CEP350: variants seen among roughly 807,000 people sequenced by gnomAD.
CEP350 encodes the protein centrosome-associated protein 350.
A neutral mutation model predicts 331.8 loss-of-function variants in CEP350; 126 were observed. The ratio of observed to expected loss-of-function variants is 0.38; its 90% confidence interval spans 0.33 to 0.44. The LOEUF is 0.44. Among genes scored for constraint, CEP350 ranks in the 20% least tolerant of loss-of-function variants. CEP350 has a pLI of 1.00. For synonymous variants in CEP350, 1,200 were observed against 1,259.5 expected, an observed-to-expected ratio of 0.95 and a Z score of 1.00; for missense variants, 3,406 against 3,634.6, an observed-to-expected ratio of 0.94 and a Z score of 1.62.
intron 27 of CEP350, chr1:180,073,770 C>T (rs1360269726): frequency 2.3e-6 from 3 of 1,300,746 alleles, no homozygotes; most frequent in East Asian, 5.6e-5. Flanking sequence ...TTAAAATCTT[C>T]CTCCTTATTT....
intron 11 of CEP350, 27 bp from the exon 12 acceptor site, chr1:180,019,922 C>A: frequency 1.3e-6 from 2 of 1,524,288 alleles, no homozygotes; most frequent in Non-Finnish European, 1.8e-6. Flanking sequence ...GTTTAGTTAA[C>A]TAACATATTG....
chr1:179,997,278 T>C (rs1653518076), intron 6 of CEP350, 103 bp downstream of exon 6: 1 of 1,353,944 alleles, frequency 7.4e-7, no homozygotes, highest in Non-Finnish European at 1.0e-6. Context: ...CAGGATGTTA[T>C]TCTTGACTGC....
chr1:180,099,780 A>ATTTTTTTTTTTTTTT (rs200255438), intron 37 of CEP350, among the ~76,000 whole-genome samples: 1 of 119,526 alleles, frequency 8.4e-6, no homozygotes, highest in Non-Finnish European at 1.7e-5. Flanking sequence ...GCCTTATTTG[A>ATTTTTTTTTTTTTTT]TTTTTTTTTT....
At chr1:180,025,137 G>A (rs1016030680) in intron 14 of CEP350, among the ~76,000 whole-genome samples, 2 of 151,990 alleles carry the variant, frequency 1.3e-5, no homozygotes, top group Non-Finnish European at 2.9e-5. Context: ...TGTTAGCCAG[G>A]ATGGTCTCGA....
intron 14 of CEP350, 85 bp downstream of exon 14, chr1:180,024,667 A>T: frequency 7.2e-7 from 1 of 1,394,258 alleles, no homozygotes; most frequent in Non-Finnish European, 9.4e-7. Context: ...TTGCATAAGA[A>T]GTTAGAAGAA....
At chr1:180,096,500 C>T (rs956587333) in intron 36 of CEP350, among the ~76,000 whole-genome samples, 1 of 151,878 alleles carries the variant, frequency 6.6e-6, no homozygotes, top group South Asian at 2.1e-4. Flanking sequence ...TAAATTATTG[C>T]AACTAATAGG....
intron 1 of CEP350, among the ~76,000 whole-genome samples, chr1:179,964,895 A>G (rs924188564): frequency 3.3e-5 from 5 of 151,042 alleles, no homozygotes; most frequent in South Asian, 2.1e-4. Flanking sequence ...TTTGGTCTCA[A>G]TTAATTTAGT....
rs1655537738 is a variant in CEP350 at position 180,024,466 on chromosome 1, A to G, written c.3434A>G (p.Tyr1145Cys). The G allele has an allele frequency of 6.2e-6, 10 of 1,613,180 alleles. No individual in the cohort carries two copies. The highest frequency in any genetic ancestry group is 5.3e-5 in the African/African-American group (4 of 74,904). ...GACCATTCTAACAGAAAGTCTGCCT[A>G]TGATCCTTCCTCTGTGGATGTTACC... is the stretch of plus-strand genomic sequence containing the variant. ...QEDHSNRKSA[Y>C]DPSSVDVTSQ... The change falls in exon 14 of 38, where the codon TAT becomes TGT. Residue 1145 changes from tyrosine to cysteine, a missense_variant. Coordinates refer to ENST00000367607, the MANE Select transcript of CEP350 (RefSeq NM_014810.5).
At position 180,048,666 on chromosome 1, in the gene CEP350, C is replaced by G; in HGVS notation, c.4753C>G (p.Leu1585Val). 3 of 1,612,554 alleles carry G rather than the reference C, an allele frequency of 1.9e-6. No individual in the cohort carries two copies. The highest frequency in any genetic ancestry group is 2.5e-6 in the Non-Finnish European group (3 of 1,179,104). ...EQVQTAADDSLRSDSVPSLPD... is the reference protein window; with the variant it reads ...EQVQTAADDSVRSDSVPSLPD... The stretch of plus-strand genomic sequence containing the variant: ...GGTTCAGACTGCTGCAGATGATTCT[C>G]TACGAAGTGATAGTGTTCCATCTCT... Residue 1585 changes from leucine to valine, a missense_variant, in exon 22 of 38, where the codon CTA becomes GTA. By Grantham distance (32) the Leu-to-Val change is conservative. Transcript: ENST00000367607.
chr1:180,016,485 A>G (rs754537382), intron 11 of CEP350, among the ~76,000 whole-genome samples: 31 of 152,144 alleles, frequency 2.0e-4, no homozygotes, highest in Non-Finnish European at 4.1e-4. Flanking sequence ...GCTGTAATAT[A>G]TTGTTTGCAA....
At chr1:180,025,171 G>A (rs1030629266) in intron 14 of CEP350, among the ~76,000 whole-genome samples, 5 of 152,064 alleles carry the variant, frequency 3.3e-5, no homozygotes, top group South Asian at 2.1e-4. Flanking sequence ...TGATCCACCC[G>A]CCTTGGCCTC....
rs1385981536 is a variant in CEP350, at chr1:179,991,707, G to GTGTGTGTGTATA, written c.236-354_236-353insGTGTGTGTATAT. Among the ~76,000 whole-genome samples the GTGTGTGTGTATA allele has an allele frequency of 6.9e-3, 667 of 96,882 alleles. 6 individuals are homozygous for GTGTGTGTGTATA. The highest frequency in any genetic ancestry group is 0.024 in the East Asian group (72 of 3,030). 63.6% of individuals were successfully genotyped at this position (96,882 alleles called of 152,430 possible). ...TGTGTGTGTGTGTGTGTGTGTGTGT[G>GTGTGTGTGTATA]TATATATATATATATATACATTTTT... On this transcript the variant is annotated intron_variant, in intron 4 of 37. Transcript: ENST00000367607.
chr1:179,955,038 G>C lies in CEP350; in HGVS notation c.-118G>C. The C allele has an allele frequency of 7.4e-7, 1 of 1,343,892 alleles. No individual in the cohort carries two copies. The highest frequency in any genetic ancestry group is 9.6e-7 in the Non-Finnish European group (1 of 1,046,658). 83.2% of individuals were successfully genotyped at this position (1,343,892 alleles called of 1,614,324 possible). A position where few individuals can be genotyped will look rare whatever the true frequency, so the allele number is the denominator to read the frequency against. ...CCCGGTGCGTCCCCGGAGCGGGGAGGCCAGGCCGGGCAGCCCTGGGGCCGG... is the reference window on the plus strand; with the variant it reads ...CCCGGTGCGTCCCCGGAGCGGGGAGCCCAGGCCGGGCAGCCCTGGGGCCGG... On this transcript the variant is annotated 5_prime_UTR_variant, in exon 1 of 38. Coordinates refer to ENST00000367607, the MANE Select transcript of CEP350 (RefSeq NM_014810.5).
chr1:180,072,569 T>C lies in CEP350; in HGVS notation c.5568-2453T>C, dbSNP rs540498641. Among the ~76,000 whole-genome samples, 8 of 152,306 alleles carry C rather than the reference T, an allele frequency of 5.3e-5. No individual in the cohort carries two copies. The East Asian group carries it at 1.5e-3, about 29-fold the overall frequency. On this transcript the variant is annotated intron_variant, in intron 27 of 37. Coordinates refer to ENST00000367607, the MANE Select transcript of CEP350 (RefSeq NM_014810.5). ...GCAAGGAAGATTGTAATGTCTTAAC[T>C]TGAAATTTAGCAAAACTGTTTTTCT...
At chr1:179,961,630 G>T (rs1182622234) in intron 1 of CEP350, among the ~76,000 whole-genome samples, 1 of 152,036 alleles carries the variant, frequency 6.6e-6, no homozygotes, top group Non-Finnish European at 1.5e-5. Flanking sequence ...GACTCCTAAC[G>T]TCCAGCTTTA....
At chr1:180,106,524 T>G (rs1661155244) in intron 37 of CEP350, among the ~76,000 whole-genome samples, 1 of 152,162 alleles carries the variant, frequency 6.6e-6, no homozygotes, top group African/African-American at 2.4e-5. Flanking sequence ...TCAGTGTCCC[T>G]CTTTAAATAC....
intron 28 of CEP350, among the ~76,000 whole-genome samples, chr1:180,078,058 G>T (rs550964038): frequency 6.6e-6 from 1 of 151,996 alleles, no homozygotes; most frequent in East Asian, 1.9e-4. Context: ...ACTTGATCCC[G>T]GGAAGCGAAG....
Position 180,054,438 on chromosome 1 carries a change from A to G in CEP350, c.5198A>G (p.Asp1733Gly), listed in dbSNP as rs1657693221. Residue 1733 changes from aspartate (D) to glycine (G), a missense_variant, in exon 25 of 38, where the codon GAT becomes GGT. Physicochemically the swap from Asp to Gly is moderately conservative, Grantham distance 94. Coordinates refer to ENST00000367607, the MANE Select transcript of CEP350 (RefSeq NM_014810.5). ...QKKHLRDKGE[D>G]DKMPPLRKKQ... ...AGACATCTACGAGACAAAGGAGAGG[A>G]TGATAAAATGCCCCCGCTCCGGAAG... 1 of 1,597,996 alleles carries G rather than the reference A, an allele frequency of 6.3e-7. No individual in the cohort carries two copies.
At chr1:179,960,036 T>C (rs1262890397) in intron 1 of CEP350, among the ~76,000 whole-genome samples, 1 of 152,200 alleles carries the variant, frequency 6.6e-6, no homozygotes, top group African/African-American at 2.4e-5. Context: ...ATGGGTCCTA[T>C]GCATACATTT....
Sources: gnomAD v4.1 joint callset for allele counts (sites outside exome capture counted in the v4.1 genomes callset) on GRCh38, gnomAD v4.1.1 for gene constraint, MANE v1.5 for transcripts, NCBI Gene and HGNC (gene_info 2026-07-23, HGNC 2026-07-21) for gene names.